Variants in SETD7 observed in about 807,000 individuals in gnomAD.
The protein encoded by SETD7 is SET domain containing 7, histone lysine methyltransferase, also known as histone-lysine N-methyltransferase SETD7.
A neutral mutation model predicts 41.8 loss-of-function variants in SETD7; 16 were observed. The observed-to-expected ratio is 0.38, with a 90% CI of 0.26 to 0.58. The LOEUF is 0.58. Among genes scored for constraint, SETD7 ranks in the 20% least tolerant of loss-of-function variants. The pLI is 0.64. For synonymous variants in SETD7, 163 were observed against 169.7 expected, an observed-to-expected ratio of 0.96 and a Z score of 0.31; for missense variants, 346 against 459.7, an observed-to-expected ratio of 0.75 and a Z score of 2.26.
In SETD7 at chr4:139,511,120, G is replaced by T. The variant is rs1278729867; in HGVS notation, c.*543C>A. On this transcript the variant is annotated 3_prime_UTR_variant, in exon 8 of 8. Coordinates refer to ENST00000274031, the MANE Select transcript of SETD7 (RefSeq NM_030648.4). ...AGGGCTGAGGGGTGAAATGACTTTA[G>T]AAGTGGGCTCCTATTTACTAAGAAA... 6.5e-6 allele frequency: 1 copy of T among 154,640 alleles called. No individual in the cohort carries two copies. Among genetic ancestry groups the T allele is most frequent in the Non-Finnish European group, 1.4e-5 (1 of 69,912 alleles). 9.6% of individuals were successfully genotyped at this position (154,640 alleles called of 1,614,324 possible). A position where few individuals can be genotyped will look rare whatever the true frequency, so the allele number is the denominator to read the frequency against.
At chr4:139,538,208 TA>T (rs1249691893) in intron 2 of SETD7, among the ~76,000 whole-genome samples, 1 of 151,954 alleles carries the variant, frequency 6.6e-6, no homozygotes, top group South Asian at 2.1e-4. Flanking sequence ...TAAATACCTC[TA>T]AAAAAAAGCA....
At chr4:139,495,729 G>T (rs879896080), downstream of SETD7, among the ~76,000 whole-genome samples, 3 of 152,140 alleles carry the variant, frequency 2.0e-5, no homozygotes, top group African/African-American at 4.8e-5. Context: ...TGAGATTTGG[G>T]TGGGGACACA....
At chr4:139,518,182 C>A in intron 6 of SETD7, 140 bp from the exon 7 acceptor site, 8 of 871,460 alleles carry the variant, frequency 9.2e-6, no homozygotes, top group Admixed American at 3.3e-5. Flanking sequence ...GGCTGGAGCG[C>A]AAGTAGCGTG....
chr4:139,553,981 G>A (rs1433309163), intron 1 of SETD7, among the ~76,000 whole-genome samples: 1 of 152,226 alleles, frequency 6.6e-6, no homozygotes, highest in African/African-American at 2.4e-5. Context: ...TTTACTGCAT[G>A]TGCACACACA....
chr4:139,533,086 C>T (rs757202115), intron 3 of SETD7, 79 bp downstream of exon 3: 5 of 1,339,492 alleles, frequency 3.7e-6, no homozygotes, highest in Admixed American at 1.7e-5. Context: ...CAAGTTCTAA[C>T]ACAGAATACA....
At chr4:139,499,843 G>C (rs1726534527) in intron 7 of SETD7, among the ~76,000 whole-genome samples, 1 of 152,128 alleles carries the variant, frequency 6.6e-6, no homozygotes, top group Non-Finnish European at 1.5e-5. Flanking sequence ...ACTGGGTTCT[G>C]ACAACCCTGC....
intron 7 of SETD7, among the ~76,000 whole-genome samples, chr4:139,514,815 A>G (rs1409915076): frequency 1.3e-5 from 2 of 152,206 alleles, no homozygotes; most frequent in Non-Finnish European, 2.9e-5. Flanking sequence ...TCCATTTGGC[A>G]TTTTGTACTA....
downstream of SETD7, among the ~76,000 whole-genome samples, chr4:139,492,975 T>A (rs753643369): frequency 4.6e-5 from 7 of 152,228 alleles, no homozygotes; most frequent in Non-Finnish European, 7.3e-5. Context: ...AGATGGAGAT[T>A]CATAGGGAAA....
Position 139,555,423 on chromosome 4 carries a change from C to T in SETD7, c.40+675G>A, listed in dbSNP as rs1204953762. 1.1e-4 allele frequency among the ~76,000 whole-genome samples: 16 copies of T among 151,946 alleles called. No homozygotes were observed. Among genetic ancestry groups the T allele is most frequent in the African/African-American group, 3.9e-4 (16 of 41,374 alleles). On this transcript the variant is annotated intron_variant, in intron 1 of 7. Coordinates refer to ENST00000274031, the MANE Select transcript of SETD7 (RefSeq NM_030648.4). This position sits in a 1 kb window ranked among gnomAD's most constrained non-coding sequence, Gnocchi z 4.0. ...CAAGCAGGAAGGGGGAGGGGGAGGCCTGACTGAGTTCGCTCGGGGGCAGCT... is the reference window on the plus strand; with the variant it reads ...CAAGCAGGAAGGGGGAGGGGGAGGCTTGACTGAGTTCGCTCGGGGGCAGCT...
Position 139,506,592 on chromosome 4 carries a change from A to C in SETD7, c.*5071T>G, listed in dbSNP as rs371026115. 5 of 152,770 alleles carry C rather than the reference A, an allele frequency of 3.3e-5. No homozygotes were observed. The East Asian group carries it at 5.8e-4, about 18-fold the overall frequency. 9.5% of individuals were successfully genotyped at this position (152,770 alleles called of 1,614,324 possible). The stretch of plus-strand genomic sequence containing the variant: ...GTTAATTATCATAAACCAAAATGTA[A>C]CCAAGTAGATATGTTGATACATTGG... On this transcript the variant is annotated 3_prime_UTR_variant, in exon 8 of 8. Transcript: ENST00000274031.
At chr4:139,544,853 G>A (rs552145282) in intron 2 of SETD7, among the ~76,000 whole-genome samples, 1 of 151,128 alleles carries the variant, frequency 6.6e-6, no homozygotes, top group South Asian at 2.1e-4. Context: ...GGGAGGCGGA[G>A]GGGGTGTTCT....
rs1025884271 is a variant in SETD7 at position 139,515,120 on chromosome 4, C to G, written c.920+2765G>C. ...GGTGGAGGTTACAGTGAGCTGAGATCGCACCATTGCACCTCTAGCCTGGGC... is the reference window on the plus strand; with the variant it reads ...GGTGGAGGTTACAGTGAGCTGAGATGGCACCATTGCACCTCTAGCCTGGGC... On this transcript the variant is annotated intron_variant, in intron 7 of 7. Coordinates refer to ENST00000274031, the MANE Select transcript of SETD7 (RefSeq NM_030648.4). Among the ~76,000 whole-genome samples the G allele has an allele frequency of 2.2e-5, 3 of 138,118 alleles. No individual in the cohort carries two copies. In the Admixed American group the frequency reaches 2.4e-4, roughly 11 times the overall value. 90.6% of individuals were successfully genotyped at this position (138,118 alleles called of 152,430 possible).
intron 2 of SETD7, among the ~76,000 whole-genome samples, chr4:139,546,098 C>T (rs1431234745): frequency 2.6e-5 from 4 of 152,188 alleles, no homozygotes; most frequent in Admixed American, 6.5e-5. Flanking sequence ...GGAGCCTCTC[C>T]CTCTCAGTGT....
At position 139,507,416 on chromosome 4, in the gene SETD7, A is replaced by G. The variant is rs1418295250; in HGVS notation, c.*4247T>C. 1 of 152,616 alleles carries G rather than the reference A, an allele frequency of 6.6e-6. No homozygotes were observed. Among genetic ancestry groups the G allele is most frequent in the African/African-American group, 2.4e-5 (1 of 41,466 alleles). The allele number at this position is 152,616 out of a possible 1,614,324, so 9.5% of individuals were successfully genotyped here. A position where few individuals can be genotyped will look rare whatever the true frequency, so the allele number is the denominator to read the frequency against. The stretch of plus-strand genomic sequence containing the variant: ...CGCCGAGGAAGTTGCTGAGAGTCAG[A>G]GTTATTGTAGGCTTTTGATTTTTAA... On this transcript the variant is annotated 3_prime_UTR_variant, in exon 8 of 8. Transcript: ENST00000274031.
chr4:139,493,458 G>T (rs1726393506), downstream of SETD7, among the ~76,000 whole-genome samples: 1 of 152,126 alleles, frequency 6.6e-6, no homozygotes. Flanking sequence ...CCAGTCCATT[G>T]TAAATAGCTT....
At chr4:139,553,004 T>C (rs1044847531) in intron 1 of SETD7, among the ~76,000 whole-genome samples, 20 of 152,200 alleles carry the variant, frequency 1.3e-4, no homozygotes, top group Admixed American at 1.3e-3. Flanking sequence ...TGAACCAGTG[T>C]GTCTCAAAGT....
chr4:139,522,679 G>T (rs1232587408), intron 5 of SETD7, among the ~76,000 whole-genome samples: 3 of 150,286 alleles, frequency 2.0e-5, no homozygotes, highest in Non-Finnish European at 4.4e-5. Context: ...TGTGACTGCA[G>T]CACAGACCCT....
chr4:139,524,510 A>G (rs962320779), intron 4 of SETD7, among the ~76,000 whole-genome samples: 1 of 152,182 alleles, frequency 6.6e-6, no homozygotes, highest in Non-Finnish European at 1.5e-5. Flanking sequence ...AGTTGGAACT[A>G]GCCTGGGCCT....
At chr4:139,504,125 C>T (rs1281771247), downstream of SETD7, among the ~76,000 whole-genome samples, 2 of 152,124 alleles carry the variant, frequency 1.3e-5, no homozygotes, top group Non-Finnish European at 1.5e-5. Context: ...GATAGTAAAC[C>T]TTCTTTATTA....
Sources: gnomAD v4.1 joint callset for allele counts (sites outside exome capture counted in the v4.1 genomes callset) on GRCh38, gnomAD v4.1.1 for gene constraint, Gnocchi (gnomAD v3.1) non-coding constraint, MANE v1.5 for transcripts, NCBI Gene and HGNC (gene_info 2026-07-23, HGNC 2026-07-21) for gene names.